Variants in MAPK10 observed in about 807,000 individuals in gnomAD.
MAPK10 encodes the protein JNK3 alpha protein kinase.
Under a neutral mutation model 59.3 loss-of-function variants are expected in MAPK10, and 25 were observed. The ratio of observed to expected loss-of-function variants is 0.42; its 90% CI spans 0.31 to 0.59. The LOEUF (loss-of-function observed/expected upper bound fraction) is 0.59. Among genes scored for constraint, MAPK10 ranks in the 20% least tolerant of loss-of-function variants. The probability of loss-of-function intolerance (pLI) is 0.15; values close to 1 mark genes in which losing one functional copy is unlikely to be tolerated. For missense variants in MAPK10, 351 were observed against 568.9 expected, an observed-to-expected ratio of 0.62 and a Z score of 3.90; for synonymous variants, 190 against 200.5, an observed-to-expected ratio of 0.95 and a Z score of 0.44.
intron 2 of MAPK10, among the ~76,000 whole-genome samples, chr4:86,197,187 A>G (rs1374957005): frequency 6.6e-6 from 1 of 152,162 alleles, no homozygotes; most frequent in Non-Finnish European, 1.5e-5. Flanking sequence ...CTTCCTATCC[A>G]TGAGCATGGA....
chr4:86,138,696 C>G (rs1253957291), intron 4 of MAPK10, among the ~76,000 whole-genome samples: 1 of 151,180 alleles, frequency 6.6e-6, no homozygotes, highest in African/African-American at 2.4e-5. Flanking sequence ...GGCAATTAGG[C>G]AGGAGAAGGA....
chr4:86,127,465 T>C (rs1328029258), intron 4 of MAPK10: 1 of 152,068 alleles, frequency 6.6e-6, no homozygotes, highest in Non-Finnish European at 1.5e-5. Context: ...TTTAAAATTC[T>C]GAAAAAATGT....
chr4:86,538,469 T>C (rs1758424847), intron 1 of MAPK10, among the ~76,000 whole-genome samples: 2 of 152,208 alleles, frequency 1.3e-5, no homozygotes, highest in African/African-American at 4.8e-5. Flanking sequence ...CCCGGTCCAA[T>C]AAATCTTAAT....
At chr4:86,268,651 T>C (rs2094334709) in intron 2 of MAPK10, 1 of 152,188 alleles carries the variant, frequency 6.6e-6, no homozygotes, top group Non-Finnish European at 1.5e-5. Context: ...GCATTTCATA[T>C]GATTTCATTT....
At chr4:86,112,853 CTT>C (rs2057718309) in intron 4 of MAPK10, among the ~76,000 whole-genome samples, 1 of 152,148 alleles carries the variant, frequency 6.6e-6, no homozygotes, top group African/African-American at 2.4e-5. Context: ...GTCTAAGTCT[CTT>C]TGAAAGTCTC....
At chr4:86,045,203 A>G (rs905210922) in intron 11 of MAPK10, among the ~76,000 whole-genome samples, 3 of 152,056 alleles carry the variant, frequency 2.0e-5, no homozygotes, top group Non-Finnish European at 4.4e-5. Context: ...TACACCATCA[A>G]AAAGTGTAAT....
At chr4:86,371,008 CAAG>C (rs1738677011) in intron 1 of MAPK10, 1 of 152,120 alleles carries the variant, frequency 6.6e-6, no homozygotes, top group African/African-American at 2.4e-5. Context: ...CTAGTTAAAA[CAAG>C]AAGGAAAGCA....
intron 1 of MAPK10, among the ~76,000 whole-genome samples, chr4:86,539,661 A>C (rs1306356788): frequency 6.6e-6 from 1 of 152,226 alleles, no homozygotes; most frequent in Admixed American, 6.5e-5. Context: ...GCAAGTGTGT[A>C]AGAAGTCTCA....
intron 2 of MAPK10, chr4:86,219,885 G>T (rs138151393): frequency 6.6e-6 from 1 of 152,068 alleles, no homozygotes; most frequent in Non-Finnish European, 1.5e-5. Flanking sequence ...ATTGAAAACC[G>T]TCTACAGATA....
At chr4:86,556,321 C>T (rs770267966) in intron 1 of MAPK10, among the ~76,000 whole-genome samples, 8 of 152,112 alleles carry the variant, frequency 5.3e-5, no homozygotes, top group Non-Finnish European at 8.8e-5. Flanking sequence ...ATCTCTCCTC[C>T]TTCACAGGTA....
At chr4:86,248,188 C>G (rs565970255) in intron 2 of MAPK10, among the ~76,000 whole-genome samples, 1 of 152,266 alleles carries the variant, frequency 6.6e-6, no homozygotes, top group South Asian at 2.1e-4. Flanking sequence ...TTTTGACAGC[C>G]ATATAATTTC....
chr4:86,302,955 C>G (rs547696364), intron 2 of MAPK10, among the ~76,000 whole-genome samples: 48 of 152,314 alleles, frequency 3.2e-4, no homozygotes, highest in African/African-American at 1.1e-3. Flanking sequence ...CATCCTCACT[C>G]ATAGCAAAAT....
At chr4:86,520,553 A>G (rs894632206) in intron 1 of MAPK10, among the ~76,000 whole-genome samples, 3 of 151,464 alleles carry the variant, frequency 2.0e-5, no homozygotes, top group African/African-American at 7.3e-5. Context: ...GTTGGTTTTC[A>G]TCTCTCTCTA....
chr4:86,260,420 T>C (rs112369497), intron 2 of MAPK10, among the ~76,000 whole-genome samples: 1 of 152,152 alleles, frequency 6.6e-6, no homozygotes, highest in African/African-American at 2.4e-5. Context: ...GGATTTGTAC[T>C]GCATCACTCT....
intron 4 of MAPK10, among the ~76,000 whole-genome samples, chr4:86,109,222 TA>T (rs1343128629): frequency 6.6e-6 from 1 of 152,204 alleles, no homozygotes; most frequent in African/African-American, 2.4e-5. Flanking sequence ...TTTCACTTTT[TA>T]AAAAAATTTA....
rs147855117 is a variant in MAPK10 at position 86,357,339 on chromosome 4, A to G, written c.-122+2319T>C. On this transcript the variant is annotated intron_variant, in intron 1 of 13. Transcript: ENST00000641462. ...TTTAGTATCAGTATAAAAAGAATTT[A>G]TAACTAGGCTTACATCCAAAGAAAC... Among the ~76,000 whole-genome samples, 1,388 of 152,268 alleles carry G rather than the reference A, an allele frequency of 9.1e-3. 13 individuals carry two copies. The highest frequency in any genetic ancestry group is 0.015 in the Non-Finnish European group (1,046 of 68,024).
intron 2 of MAPK10, among the ~76,000 whole-genome samples, chr4:86,291,629 T>A (rs899567770): frequency 1.3e-5 from 2 of 152,228 alleles, no homozygotes; most frequent in African/African-American, 4.8e-5. Flanking sequence ...AATGTAGATT[T>A]ACATTTATAC....
intron 13 of MAPK10, chr4:86,026,858 C>G (rs1750529949): frequency 6.6e-6 from 1 of 152,132 alleles, no homozygotes; most frequent in African/African-American, 2.4e-5. Context: ...CGCATACACA[C>G]AGTGGTGCGC....
At chr4:86,036,519 C>G (rs537833093) in intron 11 of MAPK10, among the ~76,000 whole-genome samples, 10 of 151,346 alleles carry the variant, frequency 6.6e-5, no homozygotes, top group Non-Finnish European at 1.5e-4. Context: ...TTATATAGAC[C>G]TTAATAATCC....
Sources: gnomAD v4.1 joint callset for allele counts (sites outside exome capture counted in the v4.1 genomes callset) on GRCh38, gnomAD v4.1.1 for gene constraint, MANE v1.5 for transcripts, NCBI Gene and HGNC (gene_info 2026-07-23, HGNC 2026-07-21) for gene names.